TGM5: variants seen among roughly 807,000 people sequenced by gnomAD.
The protein encoded by TGM5 is protein-glutamine gamma-glutamyltransferase 5.
A neutral mutation model predicts 77.2 loss-of-function variants in TGM5; 69 were observed. The observed-to-expected ratio is 0.89, with a 90% CI of 0.74 to 1.09. TGM5 has a LOEUF of 1.09. Ranked by LOEUF, TGM5 falls within the 50% of genes least tolerant of loss-of-function variation. The pLI is 0.00. For synonymous variants in TGM5, 346 were observed against 351.8 expected, an observed-to-expected ratio of 0.98 and a Z score of 0.18; for missense variants, 842 against 896.5, an observed-to-expected ratio of 0.94 and a Z score of 0.78.
chr15:43,262,072 T>C (rs1340864443), intron 1 of TGM5, among the ~76,000 whole-genome samples: 1 of 152,216 alleles, frequency 6.6e-6, no homozygotes, highest in East Asian at 1.9e-4. Context: ...TCCCTGTTTT[T>C]GTATTTGCTG....
chr15:43,240,352 T>C (rs2042625745), intron 7 of TGM5, among the ~76,000 whole-genome samples: 1 of 152,228 alleles, frequency 6.6e-6, no homozygotes, highest in African/African-American at 2.4e-5. Flanking sequence ...AGCAGATTTC[T>C]ACATGGCTGT....
At chr15:43,255,907 C>A (rs2042739145) in intron 4 of TGM5, among the ~76,000 whole-genome samples, 1 of 152,188 alleles carries the variant, frequency 6.6e-6, no homozygotes, top group Admixed American at 6.5e-5. Flanking sequence ...GTATAGAAAA[C>A]AAAATGTAGA....
At position 43,252,898 on chromosome 15, in the gene TGM5, G is replaced by T; in HGVS notation, c.723C>A (p.Asn241Lys). 6.2e-7 allele frequency: 1 copy of T among 1,613,790 alleles called. No homozygotes were observed. The highest frequency in any genetic ancestry group is 8.5e-7 in the Non-Finnish European group (1 of 1,180,030). ...SNDDNGVLNG[N>K]WSENYTDGAN... ...CGCCGTCTGTGTAATTCTCACTCCA[G>T]TTTCCATTGAGCACCCCATTATCAT... Residue 241 changes from asparagine (N) to lysine (K), a missense_variant, in exon 6 of 13, where the codon AAC becomes AAA. Physicochemically the swap from Asn to Lys is moderately conservative, Grantham distance 94. Around this residue, in one of 2 missense-constraint regions of TGM5, gnomAD observed 815 missense variants for 844.6 expected, o/e 0.96. Coordinates refer to ENST00000220420, the MANE Select transcript of TGM5 (RefSeq NM_201631.4).
rs148827379 is a variant in TGM5 at position 43,233,168 on chromosome 15, C to A, written c.*23G>T. 3 of 1,613,728 alleles carry A rather than the reference C, an allele frequency of 1.9e-6. No homozygotes were observed. Among genetic ancestry groups the A allele is most frequent in the Non-Finnish European group, 2.5e-6 (3 of 1,179,912 alleles). On this transcript the variant is annotated 3_prime_UTR_variant, in exon 13 of 13. Coordinates refer to ENST00000220420, the MANE Select transcript of TGM5 (RefSeq NM_201631.4). ...CTTTTCCTGAAGCTTGAAATTCACACGTCTGGCGCGTTGTTCCAGAATTTA... is the reference window on the plus strand; with the variant it reads ...CTTTTCCTGAAGCTTGAAATTCACAAGTCTGGCGCGTTGTTCCAGAATTTA...
intron 6 of TGM5, among the ~76,000 whole-genome samples, chr15:43,251,402 C>T (rs2042702313): frequency 6.6e-6 from 1 of 152,134 alleles, no homozygotes; most frequent in African/African-American, 2.4e-5. Context: ...TGCATTCTTC[C>T]AACAGCCCAG....
At chr15:43,236,199 C>T (rs1188380808) in intron 9 of TGM5, among the ~76,000 whole-genome samples, 1 of 152,072 alleles carries the variant, frequency 6.6e-6, no homozygotes, top group Non-Finnish European at 1.5e-5. Context: ...AAAACCCGTG[C>T]CTGTGACCGC....
intron 1 of TGM5, 77 bp from the exon 2 acceptor site, chr15:43,260,656 A>G: frequency 6.6e-7 from 1 of 1,515,620 alleles, no homozygotes; most frequent in Non-Finnish European, 9.2e-7. Flanking sequence ...CTAGTTCTGC[A>G]AACTTGAGAA....
intron 6 of TGM5, among the ~76,000 whole-genome samples, chr15:43,243,557 A>C (rs558283499): frequency 6.6e-6 from 1 of 152,330 alleles, no homozygotes; most frequent in Non-Finnish European, 1.5e-5. Flanking sequence ...GGGTGAAGCC[A>C]AGGCATCAGC....
chr15:43,249,288 C>T (rs781743413), intron 6 of TGM5, among the ~76,000 whole-genome samples: 20 of 152,180 alleles, frequency 1.3e-4, no homozygotes, highest in Admixed American at 9.2e-4. Context: ...AATTCACATA[C>T]CATAAAGTTC....
chr15:43,235,851 G>A lies in TGM5; in HGVS notation c.1346-14C>T, dbSNP rs767780715. On this transcript the variant is annotated splice_polypyrimidine_tract_variant and intron_variant, in intron 9 of 12. Transcript: ENST00000220420. ...CCTGGAGGGATCCTGAAGTTGGGGA[G>A]AGCACAGCACCAGCTGTGAGCCAGG... 27 of 1,613,194 alleles carry A rather than the reference G, an allele frequency of 1.7e-5. No homozygotes were observed. The highest frequency in any genetic ancestry group is 1.8e-5 in the Non-Finnish European group (21 of 1,179,998).
intron 1 of TGM5, among the ~76,000 whole-genome samples, chr15:43,265,322 G>A (rs1360166201): frequency 1.3e-5 from 2 of 152,202 alleles, no homozygotes; most frequent in African/African-American, 4.8e-5. Flanking sequence ...CCCACTGCCA[G>A]CTAAGAAAGC....
At chr15:43,254,496 T>C (rs2042730224) in intron 4 of TGM5, among the ~76,000 whole-genome samples, 1 of 152,180 alleles carries the variant, frequency 6.6e-6, no homozygotes, top group Non-Finnish European at 1.5e-5. Flanking sequence ...CAGAGGACAG[T>C]CTGATCAGCT....
chr15:43,241,091 A>G, intron 6 of TGM5, 101 bp from the exon 7 acceptor site: 2 of 1,484,580 alleles, frequency 1.3e-6, no homozygotes, highest in South Asian at 1.2e-5. Flanking sequence ...TCCATTTGCC[A>G]TCTGCAGGAA....
Position 43,234,774 on chromosome 15 carries a change from T to C in TGM5, c.1870A>G (p.Ile624Val). ...IITLSYPSIT[I>V]NVLGAAVVNQ... ...TTTGCAGGACTCCTGCCTACATTAA[T>C]CGTGATGCTTGGATAAGATAAGGTG... Residue 624 changes from isoleucine (I) to valine (V), a missense_variant, in exon 11 of 13, where the codon ATT becomes GTT. This residue lies in a region of TGM5 where 815 missense variants were observed against 844.6 expected (regional missense o/e 0.96). Transcript: ENST00000220420. 1 of 1,614,152 alleles carries C rather than the reference T, an allele frequency of 6.2e-7. No individual in the cohort carries two copies. The highest frequency in any genetic ancestry group is 8.5e-7 in the Non-Finnish European group (1 of 1,180,004).
chr15:43,234,579 G>C (rs1056225086), intron 11 of TGM5, among the ~76,000 whole-genome samples, 190 bp downstream of exon 11: 16 of 152,018 alleles, frequency 1.1e-4, no homozygotes, highest in Non-Finnish European at 2.4e-4. Context: ...CCCATCCATA[G>C]GGCCTCTAGT....
intron 9 of TGM5, among the ~76,000 whole-genome samples, chr15:43,238,195 C>G (rs910792936): frequency 6.6e-6 from 1 of 152,216 alleles, no homozygotes; most frequent in Non-Finnish European, 1.5e-5. Flanking sequence ...CCAGCCAGAT[C>G]CCAGCTCTGG....
chr15:43,250,274 T>C lies in TGM5; in HGVS notation c.862+2485A>G, dbSNP rs2042695356. Among the ~76,000 whole-genome samples the C allele has an allele frequency of 2.6e-5, 4 of 152,230 alleles. No individual in the cohort carries two copies. In the South Asian group the frequency reaches 6.2e-4, roughly 24 times the overall value. ...ACTGATGCTTCCTGAACACTCACTA[T>C]AGCCAGGCACTATTCTAAGCACTCT... is the stretch of plus-strand genomic sequence containing the variant. On this transcript the variant is annotated intron_variant, in intron 6 of 12. Transcript: ENST00000220420.
chr15:43,265,411 CA>C (rs1210453200), intron 1 of TGM5, among the ~76,000 whole-genome samples: 19 of 152,230 alleles, frequency 1.2e-4, no homozygotes, highest in Non-Finnish European at 2.8e-4. Flanking sequence ...TAACTGGCTA[CA>C]GTTCAGGTTG....
chr15:43,248,435 G>T (rs28444219), intron 6 of TGM5, among the ~76,000 whole-genome samples: 5,531 of 152,254 alleles, frequency 0.036, 332 homozygotes, highest in African/African-American at 0.12. Flanking sequence ...GCCTCCCAAA[G>T]TGCTGGGATT....
Sources: gnomAD v4.1 joint callset for allele counts (sites outside exome capture counted in the v4.1 genomes callset) on GRCh38, gnomAD v4.1.1 for gene constraint, gnomAD v4.1.1 regional missense constraint, MANE v1.5 for transcripts, NCBI Gene and HGNC (gene_info 2026-07-23, HGNC 2026-07-21) for gene names.